Variants in RORA observed in about 807,000 individuals in gnomAD.
RORA encodes RAR related orphan receptor A.
Under a neutral mutation model 69.5 loss-of-function variants are expected in RORA, and 7 were observed. The observed-to-expected ratio is 0.10, with a 90% CI of 0.06 to 0.19. The LOEUF is 0.19. RORA is among the 10% of genes least tolerant of loss of function. The probability of loss-of-function intolerance (pLI) is 1.00; values close to 1 mark genes in which losing one functional copy is unlikely to be tolerated. For missense variants in RORA, 457 were observed against 663.0 expected, an observed-to-expected ratio of 0.69 and a Z score of 3.41; for synonymous variants, 261 against 240.8, an observed-to-expected ratio of 1.08 and a Z score of -0.78.
chr15:61,049,162 T>A (rs1897181835), intron 1 of RORA, among the ~76,000 whole-genome samples: 1 of 152,156 alleles, frequency 6.6e-6, no homozygotes, highest in Admixed American at 6.5e-5. Flanking sequence ...CTTGTTGTCG[T>A]CAAAAGCAAT....
At chr15:60,667,451 ATTCT>A (rs771643325) in intron 2 of RORA, among the ~76,000 whole-genome samples, 95 of 152,232 alleles carry the variant, frequency 6.2e-4, no homozygotes, top group Non-Finnish European at 1.1e-3. Context: ...GTGCTTTATC[ATTCT>A]TTATGTTAAA....
intron 1 of RORA, among the ~76,000 whole-genome samples, chr15:61,098,715 TCTCA>T (rs1443611671): frequency 6.6e-6 from 1 of 152,144 alleles, no homozygotes; most frequent in East Asian, 1.9e-4. Context: ...CTGAGGAAAA[TCTCA>T]CCCTACAAAC....
rs146625645 is a variant in RORA at position 60,922,826 on chromosome 15, C to T, written c.167-244140G>A. On this transcript the variant is annotated intron_variant, in intron 1 of 10. Transcript: ENST00000335670. ...CTTTAGAACCATGGATGGTTGCTGT[C>T]ACTGTCAAAACTACATCTAATACTA... is the stretch of plus-strand genomic sequence containing the variant. Among the ~76,000 whole-genome samples, 498 of 152,296 alleles carry T rather than the reference C, an allele frequency of 3.3e-3. 1 individual carries two copies. The highest frequency in any genetic ancestry group is 0.01 in the Middle Eastern group (3 of 294).
chr15:60,923,978 G>T (rs948565238), intron 1 of RORA, among the ~76,000 whole-genome samples: 9 of 152,214 alleles, frequency 5.9e-5, no homozygotes, highest in African/African-American at 2.2e-4. Context: ...ATGATCATGT[G>T]TGAGCACGGG....
intron 3 of RORA, chr15:60,530,303 T>C (rs898202480): frequency 3.3e-5 from 5 of 152,240 alleles, no homozygotes; most frequent in African/African-American, 1.2e-4. Context: ...TTTTATTTAC[T>C]TTTTTGGAGA....
chr15:61,135,197 G>C (rs1330883050), intron 1 of RORA, among the ~76,000 whole-genome samples: 3 of 151,032 alleles, frequency 2.0e-5, no homozygotes, highest in Non-Finnish European at 2.9e-5. Context: ...CAAGCGTGGT[G>C]GTACGTGCCT....
At chr15:60,849,098 T>A (rs952335005) in intron 1 of RORA, 3 of 152,204 alleles carry the variant, frequency 2.0e-5, no homozygotes, top group Admixed American at 1.3e-4. Flanking sequence ...TCCTTCTGGG[T>A]TCTTCTTTTT....
chr15:61,099,363 T>C (rs2078844408), intron 1 of RORA, among the ~76,000 whole-genome samples: 1 of 152,168 alleles, frequency 6.6e-6, no homozygotes, highest in Non-Finnish European at 1.5e-5. Context: ...CAGTTCTAAT[T>C]ATCTCCTAAA....
At chr15:60,814,795 C>T (rs2072787558) in intron 1 of RORA, among the ~76,000 whole-genome samples, 1 of 152,190 alleles carries the variant, frequency 6.6e-6, no homozygotes. Context: ...CTATCAGCTT[C>T]TCTCTGTGCA....
intron 2 of RORA, among the ~76,000 whole-genome samples, chr15:60,569,957 G>C (rs564918654): frequency 6.6e-6 from 1 of 152,152 alleles, no homozygotes; most frequent in Non-Finnish European, 1.5e-5. Flanking sequence ...ACCCACACTC[G>C]TTAAAAAGGA....
intron 1 of RORA, among the ~76,000 whole-genome samples, chr15:60,973,115 G>A (rs545612914): frequency 5.9e-5 from 9 of 152,234 alleles, no homozygotes; most frequent in Non-Finnish European, 1.2e-4. Flanking sequence ...GGGAGGACAC[G>A]CATTTAAGCC....
chr15:60,642,946 C>T (rs1454826583), intron 2 of RORA, among the ~76,000 whole-genome samples: 1 of 152,062 alleles, frequency 6.6e-6, no homozygotes, highest in Admixed American at 6.5e-5. Context: ...TGCTTGAGCC[C>T]AGGAGTTTGA....
intron 1 of RORA, among the ~76,000 whole-genome samples, chr15:60,829,598 C>T (rs1471096995): frequency 2.0e-5 from 3 of 152,144 alleles, no homozygotes; most frequent in African/African-American, 7.2e-5. Context: ...ATAAGCTCGC[C>T]AGGACAGCAC....
intron 1 of RORA, among the ~76,000 whole-genome samples, chr15:60,826,702 G>A (rs2072963650): frequency 6.8e-6 from 1 of 147,236 alleles, no homozygotes; most frequent in Non-Finnish European, 1.5e-5. Flanking sequence ...ATCTGAAAAT[G>A]ACTGGTACTT....
At chr15:60,644,279 A>G (rs563629224) in intron 2 of RORA, among the ~76,000 whole-genome samples, 27 of 152,304 alleles carry the variant, frequency 1.8e-4, no homozygotes, top group African/African-American at 5.8e-4. Flanking sequence ...TTATTTAAAC[A>G]CATTAACAGT....
At chr15:61,089,027 A>G (rs757996574) in intron 1 of RORA, among the ~76,000 whole-genome samples, 3 of 152,226 alleles carry the variant, frequency 2.0e-5, no homozygotes, top group Non-Finnish European at 4.4e-5. Flanking sequence ...TCTGTTTGCT[A>G]CATGTGCCCC....
intron 1 of RORA, among the ~76,000 whole-genome samples, chr15:60,804,201 T>C (rs2072626041): frequency 6.8e-6 from 1 of 146,812 alleles, no homozygotes; most frequent in Non-Finnish European, 1.5e-5. Flanking sequence ...GGCAGGAGAA[T>C]TGCTTGAACC....
intron 2 of RORA, among the ~76,000 whole-genome samples, chr15:60,636,624 T>C (rs1425684803): frequency 6.6e-6 from 1 of 152,176 alleles, no homozygotes; most frequent in Non-Finnish European, 1.5e-5. Context: ...GTAGTTTGAT[T>C]TTTCTTATTT....
intron 1 of RORA, among the ~76,000 whole-genome samples, chr15:60,921,887 C>T (rs1037506020): frequency 2.0e-5 from 3 of 152,100 alleles, no homozygotes; most frequent in Non-Finnish European, 4.4e-5. Flanking sequence ...AATATATGGT[C>T]ATTCATTTTT....
Sources: allele counts gnomAD v4.1 joint callset (sites outside exome capture counted in the v4.1 genomes callset), GRCh38; gene constraint gnomAD v4.1.1; transcripts MANE v1.5; gene names NCBI Gene and HGNC (gene_info 2026-07-23, HGNC 2026-07-21).